Variants in SYTL2 observed in about 807,000 individuals in gnomAD.
SYTL2 encodes the protein synaptotagmin-like protein 2.
In SYTL2, 165 loss-of-function variants were observed where a neutral mutation model predicts 198.7. The ratio of observed to expected loss-of-function variants is 0.83; its 90% CI spans 0.73 to 0.94. SYTL2 has a LOEUF of 0.94. Among genes scored for constraint, SYTL2 ranks in the 40% least tolerant of loss-of-function variants. The pLI, the probability that SYTL2 is intolerant of heterozygous loss-of-function variation, is 0.00. For missense variants in SYTL2, 2,835 were observed against 2,582.8 expected, an observed-to-expected ratio of 1.10 and a Z score of -2.12; for synonymous variants, 966 against 917.7, an observed-to-expected ratio of 1.05 and a Z score of -0.95.
chr11:85,757,564 C>T, intron 2 of SYTL2, 61 bp downstream of exon 2: 1 of 1,576,290 alleles, frequency 6.3e-7, no homozygotes, highest in Admixed American at 1.7e-5. Flanking sequence ...ACCCCAGTGT[C>T]CTATTTTCGT....
Position 85,725,841 on chromosome 11 carries a change from G to A in SYTL2, c.3517C>T (p.Gln1173Ter). ...PSVSENRTWP[Q>*]KTDFADTEEE... The stretch of plus-strand genomic sequence containing the variant: ...TCAGTATCAGCAAAATCTGTTTTTT[G>A]AGGCCATGTCCTATTTTCAGAAACA... The change falls in exon 8 of 20, where the codon CAA (glutamine) becomes TAA (stop). Residue 1173 changes from glutamine (Q) to a stop codon, truncating the protein, a stop_gained. Transcript: ENST00000359152. LOFTEE classifies it high-confidence loss of function. The A allele has an allele frequency of 6.2e-7, 1 of 1,613,772 alleles. No homozygotes were observed. The highest frequency in any genetic ancestry group is 8.5e-7 in the Non-Finnish European group (1 of 1,179,894).
At chr11:85,754,785 G>C (rs1196903296) in intron 2 of SYTL2, among the ~76,000 whole-genome samples, 1 of 152,114 alleles carries the variant, frequency 6.6e-6, no homozygotes, top group South Asian at 2.1e-4. Flanking sequence ...AGATGCAAAC[G>C]CATGTCAGTT....
chr11:85,706,095 T>G (rs554750436), intron 15 of SYTL2, among the ~76,000 whole-genome samples: 99 of 152,366 alleles, frequency 6.5e-4, no homozygotes, highest in African/African-American at 2.4e-3. Context: ...CCAAGTATAC[T>G]TTCTATTCAT....
At chr11:85,699,700 A>T (rs1480571675) in intron 17 of SYTL2, among the ~76,000 whole-genome samples, 5 of 152,082 alleles carry the variant, frequency 3.3e-5, no homozygotes, top group Non-Finnish European at 7.4e-5. Context: ...TGAGTTTACA[A>T]CCTCTGATTT....
chr11:85,851,380 G>T, the SYTL2 span, among the ~76,000 whole-genome samples: 1 of 152,220 alleles, frequency 6.6e-6, no homozygotes, highest in African/African-American at 2.4e-5. Flanking sequence ...TTCATTCCTA[G>T]TTCGGGTCTT....
chr11:85,769,974 AC>A (rs1472563024), intron 1 of SYTL2, among the ~76,000 whole-genome samples: 1 of 152,142 alleles, frequency 6.6e-6, no homozygotes, highest in African/African-American at 2.4e-5. Context: ...TTAACCCAAA[AC>A]AAAGGGCCTC....
intron 1 of SYTL2, among the ~76,000 whole-genome samples, chr11:85,782,088 C>T (rs1438064346): frequency 6.6e-6 from 1 of 152,192 alleles, no homozygotes; most frequent in East Asian, 1.9e-4. Context: ...CATGAGAGTC[C>T]CACCCCTGCA....
chr11:85,853,198 T>C, the SYTL2 span: 195 of 410,726 alleles, frequency 4.7e-4, no homozygotes, highest in South Asian at 2.3e-3. Flanking sequence ...ATGATGACAA[T>C]GGCGGTTTTG....
intron 1 of SYTL2, among the ~76,000 whole-genome samples, chr11:85,761,070 C>G (rs2092082346): frequency 6.6e-6 from 1 of 152,218 alleles, no homozygotes; most frequent in Non-Finnish European, 1.5e-5. Context: ...TGGCACTATT[C>G]TAAGCACTGG....
rs558819436 is a variant in SYTL2 at position 85,712,809 on chromosome 11, C to T, written c.5626-1577G>A. On this transcript the variant is annotated intron_variant, in intron 12 of 19. Coordinates refer to ENST00000359152, the MANE Select transcript of SYTL2 (RefSeq NM_206927.4). ...TCGGCTCACTACAGCCTCTGCCTCC[C>T]GGGTTCAAGCAATTCCCCTGCCTTA... Among the ~76,000 whole-genome samples the T allele has an allele frequency of 6.3e-4, 96 of 152,072 alleles. 1 individual carries two copies. The highest frequency in any genetic ancestry group is 2.2e-3 in the African/African-American group (91 of 41,504).
the SYTL2 span, among the ~76,000 whole-genome samples, chr11:85,835,880 G>A: frequency 6.6e-6 from 1 of 152,170 alleles, no homozygotes. Context: ...CAAGGTTTGA[G>A]AAAGAAGGCT....
At chr11:85,701,349 C>T (rs2084277633) in intron 16 of SYTL2, among the ~76,000 whole-genome samples, 1 of 152,152 alleles carries the variant, frequency 6.6e-6, no homozygotes, top group South Asian at 2.1e-4. Context: ...TAACTTTATG[C>T]AACCCATCAC....
chr11:85,835,747 A>G, the SYTL2 span, among the ~76,000 whole-genome samples: 1 of 152,146 alleles, frequency 6.6e-6, no homozygotes, highest in Non-Finnish European at 1.5e-5. Flanking sequence ...GCTTTCTTGT[A>G]TTGGAGGCTT....
chr11:85,758,917 C>A (rs1591942765), intron 1 of SYTL2, among the ~76,000 whole-genome samples: 1 of 152,186 alleles, frequency 6.6e-6, no homozygotes, highest in East Asian at 1.9e-4. Flanking sequence ...TTAACAAGTG[C>A]AGTGCTGAAC....
At chr11:85,846,672 G>A in the SYTL2 span, among the ~76,000 whole-genome samples, 4 of 146,456 alleles carry the variant, frequency 2.7e-5, no homozygotes, top group African/African-American at 1.0e-4. Flanking sequence ...GGTGATCCAC[G>A]CACCTCAGCC....
intron 1 of SYTL2, among the ~76,000 whole-genome samples, chr11:85,789,008 T>C (rs555762954): frequency 6.6e-6 from 1 of 151,572 alleles, no homozygotes; most frequent in Non-Finnish European, 1.5e-5. Flanking sequence ...ATAGAGATAA[T>C]ATAAAGATAT....
the SYTL2 span, among the ~76,000 whole-genome samples, chr11:85,852,123 C>T: frequency 6.6e-6 from 1 of 152,162 alleles, no homozygotes; most frequent in African/African-American, 2.4e-5. Context: ...TGCTTCAGTT[C>T]CCTTCAAGTT....
intron 1 of SYTL2, among the ~76,000 whole-genome samples, chr11:85,761,572 A>T (rs929080015): frequency 6.6e-6 from 1 of 152,212 alleles, no homozygotes; most frequent in African/African-American, 2.4e-5. Flanking sequence ...AGAAAGCCAG[A>T]CAAAAAGGCA....
chr11:85,844,253 T>C, the SYTL2 span, among the ~76,000 whole-genome samples: 2 of 152,188 alleles, frequency 1.3e-5, no homozygotes, highest in South Asian at 4.1e-4. Context: ...CTTCTGGCAG[T>C]GGGTGTTCTT....
Sources: gnomAD v4.1 joint callset for allele counts (sites outside exome capture counted in the v4.1 genomes callset) on GRCh38, gnomAD v4.1.1 for gene constraint, MANE v1.5 for transcripts, NCBI Gene and HGNC (gene_info 2026-07-23, HGNC 2026-07-21) for gene names.